Variants in ARMH3 observed in about 807,000 individuals in gnomAD.
ARMH3 encodes the protein armadillo-like helical domain-containing protein 3.
In ARMH3, 60 loss-of-function variants were observed where a neutral mutation model predicts 99.1. That is an observed-to-expected ratio of 0.61 (90% CI 0.49 to 0.75). The LOEUF (loss-of-function observed/expected upper bound fraction) is 0.75, where lower values mean the gene tolerates loss of function less well. Among genes scored for constraint, ARMH3 ranks in the 30% least tolerant of loss-of-function variants. The pLI is 0.00. For missense variants in ARMH3, 679 were observed against 843.1 expected, an observed-to-expected ratio of 0.81 and a Z score of 2.41; for synonymous variants, 285 against 292.8, an observed-to-expected ratio of 0.97 and a Z score of 0.27.
intron 23 of ARMH3, among the ~76,000 whole-genome samples, chr10:101,931,727 G>A (rs1843731351): frequency 6.6e-6 from 1 of 152,090 alleles, no homozygotes; most frequent in Non-Finnish European, 1.5e-5. Flanking sequence ...AGATTAGCCT[G>A]GGCAACGTAG....
At chr10:101,982,310 C>T (rs1846271392) in intron 19 of ARMH3, among the ~76,000 whole-genome samples, 1 of 151,780 alleles carries the variant, frequency 6.6e-6, no homozygotes, top group South Asian at 2.1e-4. Flanking sequence ...TGCTTGAACC[C>T]GGGAGGCGGA....
At chr10:101,877,444 G>A (rs2067296998) in intron 24 of ARMH3, among the ~76,000 whole-genome samples, 2 of 152,192 alleles carry the variant, frequency 1.3e-5, no homozygotes, top group South Asian at 2.1e-4. Context: ...GGCAGATTAC[G>A]AGGTCAGGAG....
At chr10:102,014,109 C>A in intron 8 of ARMH3, 85 bp from the exon 9 acceptor site, 2 of 1,069,870 alleles carry the variant, frequency 1.9e-6, no homozygotes, top group Non-Finnish European at 2.8e-6. Context: ...AACAAAAATG[C>A]TTCCATAAGG....
Position 102,009,981 on chromosome 10 carries a change from C to T in ARMH3, c.874G>A (p.Val292Ile). ...ACAAGAATGTCAGGCACTTACTGTA[C>T]TGAGATTTTCTCATGGGCATCTGCT... The part of the protein sequence containing the change: ...FIADAHEKIS[V>I]QTNEAILLAL... The change falls in exon 12 of 26, where the codon GTA becomes ATA. Residue 292 changes from valine to isoleucine, a missense_variant. This residue lies in a region of ARMH3 where 280 missense variants were observed against 354.6 expected (regional missense o/e 0.79). Coordinates refer to ENST00000370033, the MANE Select transcript of ARMH3 (RefSeq NM_024541.3). The T allele has an allele frequency of 6.2e-7, 1 of 1,613,966 alleles. No homozygotes were observed. The highest frequency in any genetic ancestry group is 1.1e-5 in the South Asian group (1 of 91,036).
chr10:101,963,577 C>T (rs529594108), intron 20 of ARMH3, among the ~76,000 whole-genome samples: 46 of 152,124 alleles, frequency 3.0e-4, no homozygotes, highest in African/African-American at 1.1e-3. Context: ...GGCCTATTTA[C>T]TTATTTGTTT....
At chr10:101,957,616 C>T (rs769652189) in intron 21 of ARMH3, 34 bp downstream of exon 21, 33 of 1,576,420 alleles carry the variant, frequency 2.1e-5, no homozygotes, top group Non-Finnish European at 1.8e-5. Flanking sequence ...TAGCATATGG[C>T]TTCAGAAAAA....
At chr10:101,883,661 A>G (rs1442973946) in intron 24 of ARMH3, among the ~76,000 whole-genome samples, 3 of 152,074 alleles carry the variant, frequency 2.0e-5, no homozygotes, top group Non-Finnish European at 4.4e-5. Context: ...GGGTTTATCT[A>G]TGCAACACAA....
chr10:101,933,720 T>C (rs918693958), intron 23 of ARMH3, among the ~76,000 whole-genome samples: 3 of 152,196 alleles, frequency 2.0e-5, no homozygotes, highest in South Asian at 2.1e-4. Context: ...AAGGTCATGA[T>C]TGATAAATTC....
intron 14 of ARMH3, among the ~76,000 whole-genome samples, chr10:102,003,248 C>T (rs1348677496): frequency 6.6e-6 from 1 of 151,808 alleles, no homozygotes; most frequent in Non-Finnish European, 1.5e-5. Context: ...CTGCAACCTC[C>T]GTCTCCTGGG....
chr10:102,040,263 T>G, intron 1 of ARMH3, 138 bp from the exon 2 acceptor site: 1 of 708,030 alleles, frequency 1.4e-6, no homozygotes, highest in Non-Finnish European at 2.4e-6. Flanking sequence ...CTGTGGACTT[T>G]GGGTGGTAAC....
intron 24 of ARMH3, among the ~76,000 whole-genome samples, chr10:101,876,427 T>C (rs1055369190): frequency 5.9e-5 from 9 of 152,172 alleles, no homozygotes; most frequent in African/African-American, 1.9e-4. Flanking sequence ...AACTCACTGG[T>C]AATTCAACAC....
intron 22 of ARMH3, among the ~76,000 whole-genome samples, chr10:101,944,479 T>A (rs924197216): frequency 3.3e-5 from 5 of 151,834 alleles, no homozygotes; most frequent in Admixed American, 2.6e-4. Flanking sequence ...AGGCATGTGA[T>A]AATCATATTG....
intron 8 of ARMH3, among the ~76,000 whole-genome samples, chr10:102,022,706 G>A (rs1258676300): frequency 4.1e-5 from 6 of 147,584 alleles, no homozygotes; most frequent in African/African-American, 1.2e-4. Context: ...TCAGCCTCCC[G>A]AGTAGCTGGG....
At chr10:102,038,501 C>T (rs1202649468) in intron 2 of ARMH3, among the ~76,000 whole-genome samples, 1 of 152,118 alleles carries the variant, frequency 6.6e-6, no homozygotes, top group African/African-American at 2.4e-5. Flanking sequence ...CCAAGGCTTG[C>T]CAAAGTTAGG....
chr10:102,023,555 G>C lies in ARMH3; in HGVS notation c.591C>G (p.Ser197=). The C allele has an allele frequency of 1.2e-6, 2 of 1,614,000 alleles. No individual in the cohort carries two copies. Among genetic ancestry groups the C allele is most frequent in the Non-Finnish European group, 1.7e-6 (2 of 1,179,976 alleles). The part of the protein sequence containing the change: ...SIFEAILQIL[S]HPPSRREHGY... ...CATGCTCCCTACGACTTGGGGGATG[G>C]GAAAGTATCTGTAACAAGAACCAAA... Residue 197 remains serine, a synonymous_variant, in exon 8 of 26, where the codon TCC becomes TCG. Transcript: ENST00000370033.
Position 102,013,868 on chromosome 10 carries a change from C to CA in ARMH3, c.726+99dup, listed in dbSNP as rs1334469254. 4 of 992,590 alleles carry CA rather than the reference C, an allele frequency of 4.0e-6. 1 individual carries two copies. The East Asian group carries it at 1.0e-4, about 25-fold the overall frequency. The allele number at this position is 992,590 out of a possible 1,614,324, so 61.5% of individuals were successfully genotyped here. On this transcript the variant is annotated intron_variant, in intron 9 of 25. Coordinates refer to ENST00000370033, the MANE Select transcript of ARMH3 (RefSeq NM_024541.3). ...CCTCTCTATAACCGGATGAAATTGACAGAATAGCTCTCTGCTCTCTGTTCT... is the reference window on the plus strand; with the variant it reads ...CCTCTCTATAACCGGATGAAATTGACAAGAATAGCTCTCTGCTCTCTGTTCT...
At chr10:101,887,293 G>T (rs998518612) in intron 24 of ARMH3, among the ~76,000 whole-genome samples, 2 of 152,118 alleles carry the variant, frequency 1.3e-5, no homozygotes, top group African/African-American at 4.8e-5. Flanking sequence ...AAGAGGTAAT[G>T]AGTACACAAA....
At chr10:101,947,796 AAAATAAATAAAT>A (rs56657656) in intron 22 of ARMH3, among the ~76,000 whole-genome samples, 103 of 145,354 alleles carry the variant, frequency 7.1e-4, no homozygotes, top group South Asian at 2.4e-3. Flanking sequence ...GCGAAACTCA[AAAATAAATAAAT>A]AAATAAATAA....
At chr10:101,918,197 GT>G (rs1843159085) in intron 23 of ARMH3, among the ~76,000 whole-genome samples, 1 of 152,080 alleles carries the variant, frequency 6.6e-6, no homozygotes, top group Non-Finnish European at 1.5e-5. Context: ...GGGACTACAG[GT>G]GTGCACCACC....
Sources: allele counts gnomAD v4.1 joint callset (sites outside exome capture counted in the v4.1 genomes callset), GRCh38; gene constraint gnomAD v4.1.1; regional missense constraint gnomAD v4.1.1; transcripts MANE v1.5; gene names NCBI Gene and HGNC (gene_info 2026-07-23, HGNC 2026-07-21).